Variants in SNX24 observed in about 807,000 individuals in gnomAD.
SNX24 encodes sorting nexin-24.
In SNX24, 22 loss-of-function variants were observed where a neutral mutation model predicts 28.7. The ratio of observed to expected loss-of-function variants is 0.77; its 90% CI spans 0.55 to 1.10. The LOEUF is 1.10. SNX24 is among the 50% of genes least tolerant of loss of function. The pLI is 0.00. For missense variants in SNX24, 221 were observed against 201.1 expected, an observed-to-expected ratio of 1.10 and a Z score of -0.60; for synonymous variants, 69 against 71.5, an observed-to-expected ratio of 0.96 and a Z score of 0.18.
rs1761222523 is a variant in SNX24 at position 122,977,648 on chromosome 5, T to C, written c.250-22264T>C. The stretch of plus-strand genomic sequence containing the variant: ...AATTATACCCTTGCTGCTGGTTGAC[T>C]CAAAGCTACTGCACTTCTATAGTCA... On this transcript the variant is annotated intron_variant, in intron 3 of 6. Coordinates refer to ENST00000261369, the MANE Select transcript of SNX24 (RefSeq NM_014035.4). 1.3e-5 allele frequency among the ~76,000 whole-genome samples: 2 copies of C among 152,210 alleles called. 1 individual carries two copies. The highest frequency in any genetic ancestry group is 4.8e-5 in the African/African-American group (2 of 41,456).
At chr5:122,885,935 C>T (rs1402275082) in intron 1 of SNX24, among the ~76,000 whole-genome samples, 1 of 152,132 alleles carries the variant, frequency 6.6e-6, no homozygotes, top group African/African-American at 2.4e-5. Context: ...ATGCACAGTT[C>T]ACAGTAGGGT....
chr5:122,982,000 G>T lies in SNX24; in HGVS notation c.250-17912G>T, dbSNP rs80219457. 8.3e-3 allele frequency among the ~76,000 whole-genome samples: 1,259 copies of T among 152,328 alleles called. 18 individuals carry two copies. The highest frequency in any genetic ancestry group is 0.029 in the African/African-American group (1,193 of 41,564). On this transcript the variant is annotated intron_variant, in intron 3 of 6. Coordinates refer to ENST00000261369, the MANE Select transcript of SNX24 (RefSeq NM_014035.4). ...AGTCAAGAGAAAAAGATAGAAGGCA[G>T]GAAGCGGAAGAGAGTAATGTAACGT...
At chr5:122,921,993 C>T (rs1758452827) in intron 1 of SNX24, among the ~76,000 whole-genome samples, 1 of 152,104 alleles carries the variant, frequency 6.6e-6, no homozygotes, top group South Asian at 2.1e-4. Context: ...CTCTCTCTCT[C>T]TTTAGCGGCT....
intron 1 of SNX24, among the ~76,000 whole-genome samples, chr5:122,871,727 G>A (rs557386031): frequency 2.0e-5 from 3 of 152,144 alleles, no homozygotes; most frequent in South Asian, 4.1e-4. Flanking sequence ...CGGAGATCAC[G>A]CCATTGCACT....
At chr5:122,849,492 A>T (rs1216886934) in intron 1 of SNX24, among the ~76,000 whole-genome samples, 1 of 151,878 alleles carries the variant, frequency 6.6e-6, no homozygotes, top group Non-Finnish European at 1.5e-5. Context: ...GGAAATGCTG[A>T]CTTTGAAATC....
At chr5:123,012,116 T>G (rs375762871), downstream of SNX24, among the ~76,000 whole-genome samples, 17 of 152,312 alleles carry the variant, frequency 1.1e-4, 2 homozygotes, top group East Asian at 3.9e-4. Context: ...AGGATGTGTT[T>G]GCTTCCCCTT....
intron 1 of SNX24, among the ~76,000 whole-genome samples, chr5:122,905,534 A>G (rs1757612102): frequency 6.6e-6 from 1 of 152,228 alleles, no homozygotes; most frequent in Admixed American, 6.5e-5. Context: ...GGAAATGTTC[A>G]CTGGAGTATT....
chr5:122,988,863 A>G (rs536067360), intron 3 of SNX24, among the ~76,000 whole-genome samples: 1 of 152,238 alleles, frequency 6.6e-6, no homozygotes, highest in African/African-American at 2.4e-5. Context: ...TTCTTTTTAT[A>G]GACTGTGCAT....
intron 3 of SNX24, among the ~76,000 whole-genome samples, chr5:122,986,564 A>T (rs945963301): frequency 1.4e-4 from 21 of 152,250 alleles, no homozygotes; most frequent in Middle Eastern, 6.8e-3. Flanking sequence ...GAAGTGATTT[A>T]GCAACTCAAA....
At chr5:122,877,205 T>C (rs922583134) in intron 1 of SNX24, among the ~76,000 whole-genome samples, 1 of 152,058 alleles carries the variant, frequency 6.6e-6, no homozygotes, top group African/African-American at 2.4e-5. Flanking sequence ...CTGACATTAC[T>C]CAAGCAGTGT....
chr5:122,987,653 G>A (rs779665074), intron 3 of SNX24, among the ~76,000 whole-genome samples: 2 of 152,126 alleles, frequency 1.3e-5, no homozygotes, highest in Non-Finnish European at 2.9e-5. Flanking sequence ...GATTCTGATG[G>A]TAGATCACAG....
chr5:122,939,210 A>G (rs1448629998), intron 2 of SNX24, among the ~76,000 whole-genome samples: 1 of 152,134 alleles, frequency 6.6e-6, no homozygotes, highest in Non-Finnish European at 1.5e-5. Context: ...AACATAAAAT[A>G]TTTTCCCTTT....
chr5:122,963,977 T>C (rs1760597774), intron 3 of SNX24, among the ~76,000 whole-genome samples: 1 of 152,078 alleles, frequency 6.6e-6, no homozygotes, highest in Admixed American at 6.5e-5. Context: ...GCGCGATGGC[T>C]CATGCCTGTA....
chr5:122,895,502 G>A (rs960110227), intron 1 of SNX24, among the ~76,000 whole-genome samples: 8 of 152,190 alleles, frequency 5.3e-5, no homozygotes, highest in Non-Finnish European at 1.0e-4. Context: ...CTTGGGTCCT[G>A]GTGATTGGAA....
chr5:122,876,493 T>G (rs1234069944), intron 1 of SNX24, among the ~76,000 whole-genome samples: 1 of 152,236 alleles, frequency 6.6e-6, no homozygotes, highest in East Asian at 1.9e-4. Flanking sequence ...GATCTTACTC[T>G]CAACAAAGTT....
In SNX24 at chr5:122,936,719, A is replaced by T; in HGVS notation, c.61-15A>T. On this transcript the variant is annotated splice_polypyrimidine_tract_variant and intron_variant, in intron 1 of 6. Coordinates refer to ENST00000261369, the MANE Select transcript of SNX24 (RefSeq NM_014035.4). ...TTTGAACTAATATAATTAATCTTTTAAATTTTTTCCTCAGGTGTTTAAGAT... is the reference window on the plus strand; with the variant it reads ...TTTGAACTAATATAATTAATCTTTTTAATTTTTTCCTCAGGTGTTTAAGAT... 6.8e-7 allele frequency: 1 copy of T among 1,468,430 alleles called. No individual in the cohort carries two copies. Among genetic ancestry groups the T allele is most frequent in the Non-Finnish European group, 9.5e-7 (1 of 1,053,992 alleles). The allele number at this position is 1,468,430 out of a possible 1,614,324, so 91.0% of individuals were successfully genotyped here.
chr5:122,856,228 G>T (rs1477880723), intron 1 of SNX24, among the ~76,000 whole-genome samples: 1 of 152,054 alleles, frequency 6.6e-6, no homozygotes, highest in Non-Finnish European at 1.5e-5. Context: ...TACAGTATTT[G>T]GTTTTCTGTT....
In SNX24 at chr5:122,875,317, C is replaced by G. The variant is rs557409300; in HGVS notation, c.60+29624C>G. Reference sequence around the variant, plus strand: ...ATATGATGCCATAAAAAAAGATTACCCAGAATTCCACAGAACTCAGATATT... The same window carrying G: ...ATATGATGCCATAAAAAAAGATTACGCAGAATTCCACAGAACTCAGATATT... On this transcript the variant is annotated intron_variant, in intron 1 of 6. Coordinates refer to ENST00000261369, the MANE Select transcript of SNX24 (RefSeq NM_014035.4). Among the ~76,000 whole-genome samples the G allele has an allele frequency of 1.7e-3, 264 of 152,168 alleles. 2 individuals are homozygous for G. In the South Asian group the frequency reaches 0.021, roughly 12 times the overall value.
At chr5:122,924,148 C>A (rs996470098) in intron 1 of SNX24, among the ~76,000 whole-genome samples, 2 of 152,156 alleles carry the variant, frequency 1.3e-5, no homozygotes, top group African/African-American at 2.4e-5. Flanking sequence ...TAGTACTAAA[C>A]CTTATATGTG....
Sources: allele counts gnomAD v4.1 joint callset (sites outside exome capture counted in the v4.1 genomes callset), GRCh38; gene constraint gnomAD v4.1.1; transcripts MANE v1.5; gene names NCBI Gene and HGNC (gene_info 2026-07-23, HGNC 2026-07-21).